The following HSP90AB1 variants were observed in gnomAD, a reference collection of about 807,000 sequenced individuals.
HSP90AB1 encodes the protein heat shock protein 90 alpha family class B member 1.
A neutral mutation model predicts 67.8 loss-of-function variants in HSP90AB1; 17 were observed. The ratio of observed to expected loss-of-function variants is 0.25; its 90% CI spans 0.17 to 0.38. The LOEUF is 0.38. Ranked by LOEUF, HSP90AB1 falls within the 10% of genes least tolerant of loss-of-function variation. The probability of loss-of-function intolerance (pLI) is 1.00; values close to 1 mark genes in which losing one functional copy is unlikely to be tolerated. For synonymous variants in HSP90AB1, 390 were observed against 312.9 expected (o/e 1.25, Z -2.60); for missense variants, 690 against 899.9 (o/e 0.77, Z 2.98).
At chr6:44,252,845 T>C (rs1031576969) in intron 10 of HSP90AB1, among the ~76,000 whole-genome samples, 200 bp from the exon 11 acceptor site, 12 of 151,732 alleles carry the variant, frequency 7.9e-5, no homozygotes, top group African/African-American at 2.7e-4. Context: ...AACTCAAGTC[T>C]CCTGAGTGGC....
chr6:44,247,036 A>T (rs1779972139), upstream of HSP90AB1: 1 of 152,120 alleles, frequency 6.6e-6, no homozygotes, highest in Non-Finnish European at 1.5e-5. Flanking sequence ...AGGCGGAGGG[A>T]TCTACAGGAG....
At chr6:44,246,770 A>G (rs1281313348), upstream of HSP90AB1, among the ~76,000 whole-genome samples, 5 of 151,902 alleles carry the variant, frequency 3.3e-5, no homozygotes, top group Non-Finnish European at 5.9e-5. Flanking sequence ...GGGTGTGGGG[A>G]CGCCTGCCCC....
At chr6:44,247,001 C>G (rs1165835974), upstream of HSP90AB1, 3 of 152,104 alleles carry the variant, frequency 2.0e-5, no homozygotes, top group Non-Finnish European at 4.4e-5. Flanking sequence ...GCGGCAGGTG[C>G]GGGGTTGACA....
rs761163017 is a variant in HSP90AB1, at chr6:44,249,485, T to G, written c.256T>G (p.Leu86Val). The change falls in exon 3 of 12, where the codon TTG becomes GTG. Residue 86 changes from leucine to valine, a missense_variant. Around this residue, in one of 7 missense-constraint regions of HSP90AB1, gnomAD observed 88 missense variants for 167.7 expected, o/e 0.52. Transcript: ENST00000371646. ...CAACCCTCAGGAACGTACCCTGACT[T>G]TGGTAGACACAGGCATTGGCATGAC... ...IPNPQERTLT[L>V]VDTGIGMTKA... 4 of 1,614,102 alleles carry G rather than the reference T, an allele frequency of 2.5e-6. No homozygotes were observed. The highest frequency in any genetic ancestry group is 3.4e-6 in the Non-Finnish European group (4 of 1,179,948).
Position 44,251,112 on chromosome 6 carries a change from T to C in HSP90AB1, c.1022T>C (p.Phe341Ser). 6.2e-7 allele frequency: 1 copy of C among 1,614,186 alleles called. No homozygotes were observed. Among genetic ancestry groups the C allele is most frequent in the Non-Finnish European group, 8.5e-7 (1 of 1,180,004 alleles). Residue 341 changes from phenylalanine to serine, a missense_variant, in exon 7 of 12, where the codon TTT becomes TCT. Physicochemically the swap from Phe to Ser is radical, Grantham distance 155 (BLOSUM62 -2). Around this residue, in one of 7 missense-constraint regions of HSP90AB1, gnomAD observed 101 missense variants for 174.8 expected, o/e 0.58. Coordinates refer to ENST00000371646, the MANE Select transcript of HSP90AB1 (RefSeq NM_007355.4). The stretch of plus-strand genomic sequence containing the variant: ...CTATTTATTCCTCGTCGGGCTCCCT[T>C]TGACCTTTTTGAGAACAAGAAGAAA... ...ALLFIPRRAPFDLFENKKKKN... is the reference protein window; with the variant it reads ...ALLFIPRRAPSDLFENKKKKN...
chr6:44,249,059 T>G (rs919369330), intron 2 of HSP90AB1, among the ~76,000 whole-genome samples: 5 of 152,152 alleles, frequency 3.3e-5, no homozygotes, highest in Non-Finnish European at 5.9e-5. Context: ...GATACGGGCT[T>G]TAAGAAAGCA....
chr6:44,249,595 C>A lies in HSP90AB1; in HGVS notation c.354+12C>A. The A allele has an allele frequency of 6.2e-7, 1 of 1,612,944 alleles. No individual in the cohort carries two copies. The highest frequency in any genetic ancestry group is 8.5e-7 in the Non-Finnish European group (1 of 1,178,984). ...TGGAGGCTCTTCAGGTATTGCAGTT[C>A]TGTAGGCATTCATACTTATCTGTGT... is the stretch of plus-strand genomic sequence containing the variant. On this transcript the variant is annotated intron_variant, in intron 3 of 11. Transcript: ENST00000371646.
chr6:44,253,028 T>A lies in HSP90AB1; in HGVS notation c.1732-17T>A. On this transcript the variant is annotated splice_polypyrimidine_tract_variant and intron_variant, in intron 10 of 11. Transcript: ENST00000371646. ...AAAGTGGTAATGTCAATCTAAGGCT[T>A]TTGTGATCGTCCACAGGTGACAATC... 1.9e-6 allele frequency: 3 copies of A among 1,605,008 alleles called. No individual in the cohort carries two copies. Among genetic ancestry groups the A allele is most frequent in the Non-Finnish European group, 1.7e-6 (2 of 1,172,122 alleles).
At chr6:44,247,491 G>A (rs1193625591) in intron 1 of HSP90AB1, among the ~76,000 whole-genome samples, 3 of 152,238 alleles carry the variant, frequency 2.0e-5, no homozygotes. Flanking sequence ...CGCGCGGCCC[G>A]GGACGCTGCC....
chr6:44,251,334 C>CT (rs1202406514), intron 7 of HSP90AB1, 84 bp from the exon 8 acceptor site: 1 of 1,512,586 alleles, frequency 6.6e-7, no homozygotes, highest in Non-Finnish European at 9.1e-7. Flanking sequence ...GTTCAGGAGG[C>CT]TATTAGAGCC....
In HSP90AB1 at chr6:44,251,848, A is replaced by G. The variant is rs1404421743; in HGVS notation, c.1426A>G (p.Met476Val). ...ATCTCTGTCAGAGTATGTTTCTCGC[A>G]TGAAGGAGACACAGAAGTCCATCTA... The part of the protein sequence containing the change: ...MTSLSEYVSR[M>V]KETQKSIYYI... The change falls in exon 9 of 12, where the codon ATG becomes GTG. Residue 476 changes from methionine to valine, a missense_variant. Physicochemically the swap from Met to Val is conservative, Grantham distance 21. Coordinates refer to ENST00000371646, the MANE Select transcript of HSP90AB1 (RefSeq NM_007355.4). The G allele has an allele frequency of 1.9e-6, 3 of 1,612,990 alleles. No individual in the cohort carries two copies. The highest frequency in any genetic ancestry group is 1.3e-5 in the African/African-American group (1 of 75,012).
upstream of HSP90AB1, chr6:44,246,415 C>G (rs1443132619): frequency 6.6e-6 from 1 of 152,222 alleles, no homozygotes; most frequent in African/African-American, 2.4e-5. Flanking sequence ...GGCGGAGCCT[C>G]GCGGGGAGGG....
rs187823187 is a variant in HSP90AB1, at chr6:44,249,667, G to C, written c.355-8G>C. ...AAAACTTGTGATTGACTTTAAACTT[G>C]TTGGCAGGCTGGTGCAGACATCTCC... On this transcript the variant is annotated splice_region_variant and splice_polypyrimidine_tract_variant and intron_variant, in intron 3 of 11. Transcript: ENST00000371646. 3 of 1,612,356 alleles carry C rather than the reference G, an allele frequency of 1.9e-6. No individual in the cohort carries two copies. The highest frequency in any genetic ancestry group is 2.2e-5 in the East Asian group (1 of 44,842).
Position 44,250,587 on chromosome 6 carries a change from C to G in HSP90AB1, c.945C>G (p.His315Gln). Reference protein sequence around the residue: ...YKSLTNDWEDHLAVKHFSVEG... With the variant: ...YKSLTNDWEDQLAVKHFSVEG... Reference sequence around the variant, plus strand: ...GCCTCACTAATGACTGGGAAGACCACTTGGCAGTCAAGGTGTGAGAAGCCT... The same window carrying G: ...GCCTCACTAATGACTGGGAAGACCAGTTGGCAGTCAAGGTGTGAGAAGCCT... The change falls in exon 6 of 12, where the codon CAC (histidine) becomes CAG (glutamine). Residue 315 changes from histidine to glutamine, a missense_variant. This residue lies in a region of HSP90AB1 where 101 missense variants were observed against 174.8 expected (regional missense o/e 0.58). Coordinates refer to ENST00000371646, the MANE Select transcript of HSP90AB1 (RefSeq NM_007355.4). The G allele has an allele frequency of 6.3e-7, 1 of 1,598,784 alleles. No individual in the cohort carries two copies. The highest frequency in any genetic ancestry group is 1.3e-5 in the African/African-American group (1 of 74,494).
In HSP90AB1 at chr6:44,253,393, T is replaced by G; in HGVS notation, c.2065+15T>G. On this transcript the variant is annotated intron_variant, in intron 11 of 11. Coordinates refer to ENST00000371646, the MANE Select transcript of HSP90AB1 (RefSeq NM_007355.4). ...GCTAGGTCTAGGTAAGTAGCTTTGGTACTTGGTGTGGCAAGGAGTTTGTGC... is the reference window on the plus strand; with the variant it reads ...GCTAGGTCTAGGTAAGTAGCTTTGGGACTTGGTGTGGCAAGGAGTTTGTGC... 6.2e-7 allele frequency: 1 copy of G among 1,609,658 alleles called. No homozygotes were observed. Among genetic ancestry groups the G allele is most frequent in the Non-Finnish European group, 8.5e-7 (1 of 1,176,944 alleles).
At position 44,250,745 on chromosome 6, in the gene HSP90AB1, C is replaced by T. The variant is rs1388617153; in HGVS notation, c.957+146C>T. 7.8e-6 allele frequency: 5 copies of T among 639,556 alleles called. No homozygotes were observed. In the Admixed American group the frequency reaches 1.5e-4, roughly 19 times the overall value. 39.6% of individuals were successfully genotyped at this position (639,556 alleles called of 1,614,324 possible). On this transcript the variant is annotated intron_variant, in intron 6 of 11. Coordinates refer to ENST00000371646, the MANE Select transcript of HSP90AB1 (RefSeq NM_007355.4). ...CATGTGATTTCACTTACTGATTACCCTGTCATAGTGAAGTGCCATCATTTC... is the reference window on the plus strand; with the variant it reads ...CATGTGATTTCACTTACTGATTACCTTGTCATAGTGAAGTGCCATCATTTC...
At chr6:44,249,005 A>G (rs1022850584) in intron 2 of HSP90AB1, among the ~76,000 whole-genome samples, 1 of 152,206 alleles carries the variant, frequency 6.6e-6, no homozygotes, top group Non-Finnish European at 1.5e-5. Context: ...ATAGGGGGCA[A>G]TCAGATTTGA....
intron 1 of HSP90AB1, among the ~76,000 whole-genome samples, chr6:44,247,649 G>T (rs1448881315): frequency 6.6e-6 from 1 of 152,198 alleles, no homozygotes; most frequent in African/African-American, 2.4e-5. Flanking sequence ...AAGCCTTCTT[G>T]GGTGCTTTGT....
chr6:44,246,576 C>T (rs1779930031), upstream of HSP90AB1, among the ~76,000 whole-genome samples: 1 of 152,248 alleles, frequency 6.6e-6, no homozygotes, highest in African/African-American at 2.4e-5. Flanking sequence ...ACCCTCCGCC[C>T]TTCCTCTACT....
Sources: gnomAD v4.1 joint callset for allele counts (sites outside exome capture counted in the v4.1 genomes callset) on GRCh38, gnomAD v4.1.1 for gene constraint, gnomAD v4.1.1 regional missense constraint, MANE v1.5 for transcripts, NCBI Gene and HGNC (gene_info 2026-07-23, HGNC 2026-07-21) for gene names.